The following SNAP91 variants were observed in gnomAD, a reference collection of about 807,000 sequenced individuals.
SNAP91 encodes clathrin coat assembly protein AP180.
Under a neutral mutation model 100.3 loss-of-function variants are expected in SNAP91, and 27 were observed. The observed-to-expected ratio is 0.27, with a 90% CI of 0.20 to 0.37. SNAP91 has a LOEUF of 0.37. SNAP91 is among the 10% of genes least tolerant of loss of function. SNAP91 has a pLI of 1.00. For synonymous variants in SNAP91, 404 were observed against 398.6 expected, an observed-to-expected ratio of 1.01 and a Z score of -0.16; for missense variants, 986 against 1,123.7, an observed-to-expected ratio of 0.88 and a Z score of 1.75.
chr6:83,640,432 C>T (rs1166822330), intron 8 of SNAP91, among the ~76,000 whole-genome samples: 1 of 152,134 alleles, frequency 6.6e-6, no homozygotes, highest in Non-Finnish European at 1.5e-5. Flanking sequence ...TAAAAATACA[C>T]TTGTCATTCT....
chr6:83,601,164 A>G (rs1207101283), intron 16 of SNAP91, 107 bp downstream of exon 16: 7 of 905,438 alleles, frequency 7.7e-6, no homozygotes, highest in Non-Finnish European at 1.2e-5. Flanking sequence ...AAAAGTACTT[A>G]AACACTCTGA....
chr6:83,657,082 G>C (rs1365508254), intron 6 of SNAP91, among the ~76,000 whole-genome samples: 2 of 152,110 alleles, frequency 1.3e-5, no homozygotes, highest in South Asian at 2.1e-4. Context: ...TTAAAAGACA[G>C]ATATATGCAT....
chr6:83,678,846 T>C (rs1474756797), intron 2 of SNAP91: 15 of 1,274,372 alleles, frequency 1.2e-5, no homozygotes, highest in African/African-American at 1.5e-5. Context: ...CCAAGTCTGT[T>C]TTCTCTCGGA....
chr6:83,563,762 A>G (rs1374351451), intron 26 of SNAP91, among the ~76,000 whole-genome samples: 2 of 152,236 alleles, frequency 1.3e-5, no homozygotes, highest in East Asian at 3.8e-4. Context: ...TCCATTTATA[A>G]TAGCATCAAC....
At chr6:83,571,337 T>G (rs1807323410) in intron 26 of SNAP91, among the ~76,000 whole-genome samples, 1 of 152,166 alleles carries the variant, frequency 6.6e-6, no homozygotes, top group African/African-American at 2.4e-5. Context: ...TCTTTTGACC[T>G]TGTGATCTGC....
chr6:83,634,199 C>A (rs2097335232), intron 8 of SNAP91, among the ~76,000 whole-genome samples: 1 of 152,162 alleles, frequency 6.6e-6, no homozygotes, highest in South Asian at 2.1e-4. Context: ...TCCTGAAGGA[C>A]CCCTGTAAGG....
chr6:83,661,637 T>G (rs779498902), intron 4 of SNAP91, 33 bp from the exon 5 acceptor site: 1 of 1,243,636 alleles, frequency 8.0e-7, no homozygotes, highest in South Asian at 1.3e-5. Context: ...TAAAACTAAT[T>G]AATAAAATAC....
intron 21 of SNAP91, among the ~76,000 whole-genome samples, chr6:83,592,236 T>C (rs2093861189): frequency 6.6e-6 from 1 of 152,096 alleles, no homozygotes. Flanking sequence ...AAAAATTATG[T>C]GTTTTGTTAG....
At chr6:83,555,948 C>T (rs1273811939) in intron 29 of SNAP91, among the ~76,000 whole-genome samples, 195 bp downstream of exon 29, 1 of 151,974 alleles carries the variant, frequency 6.6e-6, no homozygotes, top group Non-Finnish European at 1.5e-5. Context: ...GTTACTTTCC[C>T]TCCTAGTTAC....
chr6:83,604,975 T>A (rs2128270921), intron 14 of SNAP91, among the ~76,000 whole-genome samples: 1 of 152,282 alleles, frequency 6.6e-6, no homozygotes, highest in Admixed American at 6.5e-5. Context: ...GATAGTTTGG[T>A]ACAGGAAGGC....
chr6:83,560,248 G>C (rs779656457), intron 27 of SNAP91, 40 bp from the exon 28 acceptor site: 2 of 1,395,602 alleles, frequency 1.4e-6, no homozygotes, highest in East Asian at 2.3e-5. Flanking sequence ...AGCATGAGTG[G>C]AACTCACTAG....
At chr6:83,559,775 C>T (rs966344032) in intron 28 of SNAP91, among the ~76,000 whole-genome samples, 9 of 152,154 alleles carry the variant, frequency 5.9e-5, no homozygotes, top group African/African-American at 2.2e-4. Flanking sequence ...TTCTGGCTAA[C>T]GCTGGGAACA....
intron 24 of SNAP91, among the ~76,000 whole-genome samples, chr6:83,579,753 A>G (rs1340966962): frequency 2.0e-5 from 3 of 152,082 alleles, no homozygotes; most frequent in East Asian, 3.9e-4. Context: ...TTTCCTGCAG[A>G]TGTCCTTCTT....
intron 8 of SNAP91, among the ~76,000 whole-genome samples, chr6:83,624,539 A>T (rs2096857064): frequency 1.3e-5 from 2 of 152,092 alleles, no homozygotes; most frequent in Non-Finnish European, 2.9e-5. Flanking sequence ...ATGCTGAACT[A>T]CCTTCTTTCC....
At chr6:83,588,401 A>G (rs2093167514) in intron 22 of SNAP91, among the ~76,000 whole-genome samples, 1 of 152,266 alleles carries the variant, frequency 6.6e-6, no homozygotes, top group Non-Finnish European at 1.5e-5. Context: ...AGACCTATGT[A>G]GATGACATTG....
chr6:83,637,607 C>G (rs773848340), intron 8 of SNAP91, among the ~76,000 whole-genome samples: 3 of 152,182 alleles, frequency 2.0e-5, no homozygotes, highest in Non-Finnish European at 4.4e-5. Flanking sequence ...CTTCTGCTCT[C>G]AGATCACTGA....
chr6:83,574,418 T>C (rs1159642474), intron 26 of SNAP91, among the ~76,000 whole-genome samples: 1 of 152,142 alleles, frequency 6.6e-6, no homozygotes, highest in African/African-American at 2.4e-5. Flanking sequence ...AGACATGAAA[T>C]CTATTTAAAC....
intron 26 of SNAP91, among the ~76,000 whole-genome samples, chr6:83,572,172 C>A (rs995487300): frequency 3.9e-5 from 6 of 152,198 alleles, no homozygotes; most frequent in African/African-American, 1.2e-4. Context: ...CCATAAAAAT[C>A]CCCACTTGTG....
At chr6:83,676,930 G>A (rs1483797220) in intron 2 of SNAP91, among the ~76,000 whole-genome samples, 1 of 152,166 alleles carries the variant, frequency 6.6e-6, no homozygotes, top group Non-Finnish European at 1.5e-5. Flanking sequence ...AGAGCCAAGA[G>A]GAATAGCTGA....
Sources: allele counts gnomAD v4.1 joint callset (sites outside exome capture counted in the v4.1 genomes callset), GRCh38; gene constraint gnomAD v4.1.1; transcripts MANE v1.5; gene names NCBI Gene and HGNC (gene_info 2026-07-23, HGNC 2026-07-21).